Variants in AFF2 observed in about 807,000 individuals in gnomAD.
AFF2 encodes ALF transcription elongation factor 2.
A neutral mutation model predicts 76.9 loss-of-function variants in AFF2; 14 were observed. That is an observed-to-expected ratio of 0.18 (90% CI 0.12 to 0.28). The LOEUF is 0.28. Among genes scored for constraint, AFF2 ranks in the 10% least tolerant of loss-of-function variants. The pLI is 1.00. For synonymous variants in AFF2, 398 were observed against 366.7 expected, an observed-to-expected ratio of 1.09 and a Z score of -0.98; for missense variants, 868 against 1,001.1, an observed-to-expected ratio of 0.87 and a Z score of 1.79.
At chrX:148,971,789 A>G (rs1395150729) in intron 15 of AFF2, among the ~76,000 whole-genome samples, 31 of 23,917 alleles carry the variant, frequency 1.3e-3, no homozygotes, top group African/African-American at 5.9e-3. Flanking sequence ...TTTTTTTATT[A>G]TACTCTAAGT....
At chrX:148,697,503 C>T (rs1452507508) in intron 3 of AFF2, among the ~76,000 whole-genome samples, 1 of 111,310 alleles carries the variant, frequency 9.0e-6, no homozygotes, top group Non-Finnish European at 1.9e-5. Context: ...TGGGTCAGGC[C>T]ATTTACCAAT....
intron 1 of AFF2, among the ~76,000 whole-genome samples, chrX:148,597,544 A>AT: frequency 8.9e-6 from 1 of 112,263 alleles, no homozygotes; most frequent in Middle Eastern, 4.6e-3. Context: ...TCCCTTAATG[A>AT]TTTTTTCATG....
intron 1 of AFF2, among the ~76,000 whole-genome samples, chrX:148,568,410 C>T (rs2053192802): frequency 8.9e-6 from 1 of 111,783 alleles, no homozygotes; most frequent in Admixed American, 9.5e-5. Flanking sequence ...TGTTAGATTC[C>T]TGACAAGTGA....
chrX:148,796,973 G>A (rs1025394946), intron 3 of AFF2, among the ~76,000 whole-genome samples: 3 of 112,197 alleles, frequency 2.7e-5, no homozygotes, highest in African/African-American at 9.7e-5. Context: ...ATTGTAGTAT[G>A]TTTGGTATTA....
At chrX:148,594,586 A>G (rs1427908912) in intron 1 of AFF2, among the ~76,000 whole-genome samples, 5 of 111,791 alleles carry the variant, frequency 4.5e-5, no homozygotes, top group African/African-American at 6.5e-5. Flanking sequence ...CAGAAGCTGG[A>G]AAGCATTTGA....
chrX:148,520,342 C>T (rs1233761079), intron 1 of AFF2, among the ~76,000 whole-genome samples: 4 of 111,798 alleles, frequency 3.6e-5, no homozygotes, highest in African/African-American at 1.3e-4. Context: ...CCTTCATCAC[C>T]ACTCTCACTG....
intron 3 of AFF2, among the ~76,000 whole-genome samples, chrX:148,764,404 G>T (rs1307741752): frequency 8.9e-6 from 1 of 112,223 alleles, no homozygotes; most frequent in Non-Finnish European, 1.9e-5. Context: ...CAGTTTTGAT[G>T]AATTCTGGGT....
chrX:148,600,194 A>G (rs1189349151), intron 1 of AFF2, among the ~76,000 whole-genome samples: 8 of 112,116 alleles, frequency 7.1e-5, no homozygotes. Context: ...GAGACTTGGT[A>G]GTCTTGTGTG....
intron 13 of AFF2, among the ~76,000 whole-genome samples, chrX:148,964,159 G>A (rs1006538464): frequency 4.5e-5 from 5 of 112,316 alleles, no homozygotes; most frequent in African/African-American, 1.6e-4. Context: ...TGGGCTGTGG[G>A]GTGGAGGGAC....
chrX:148,723,698 A>G (rs1231057853), intron 3 of AFF2, among the ~76,000 whole-genome samples: 1 of 110,582 alleles, frequency 9.0e-6, no homozygotes, highest in Non-Finnish European at 1.9e-5. Context: ...GAAAGATGAA[A>G]TGCTGGAATG....
intron 6 of AFF2, 135 bp from the exon 7 acceptor site, chrX:148,843,247 C>CG: frequency 2.3e-6 from 1 of 436,318 alleles, no homozygotes; most frequent in Non-Finnish European, 3.6e-6. Context: ...GGTTCCCCCC[C>CG]TTTTTTTTTT....
chrX:148,740,889 T>C (rs1557265574), intron 3 of AFF2, among the ~76,000 whole-genome samples: 1 of 111,976 alleles, frequency 8.9e-6, no homozygotes, highest in Non-Finnish European at 1.9e-5. Flanking sequence ...TGGCTTCCTG[T>C]AAGCCAAACT....
At chrX:148,606,096 C>T (rs1006223898) in intron 1 of AFF2, among the ~76,000 whole-genome samples, 113 of 112,425 alleles carry the variant, frequency 1.0e-3, no homozygotes, top group African/African-American at 3.6e-3. Flanking sequence ...GTGATATTTG[C>T]CCAAAGGCAT....
intron 3 of AFF2, among the ~76,000 whole-genome samples, chrX:148,762,731 C>G (rs1557267423): frequency 9.0e-6 from 1 of 110,910 alleles, no homozygotes; most frequent in African/African-American, 3.3e-5. Flanking sequence ...CCCCTCTGTG[C>G]TCTGGCTGCT....
chrX:148,726,819 C>G (rs187381280), intron 3 of AFF2, among the ~76,000 whole-genome samples: 1 of 111,364 alleles, frequency 9.0e-6, no homozygotes, highest in South Asian at 3.8e-4. Context: ...AAAAACCTTG[C>G]AAGCCTGAAG....
At chrX:148,854,731 A>C (rs782469476) in intron 7 of AFF2, among the ~76,000 whole-genome samples, 2 of 111,641 alleles carry the variant, frequency 1.8e-5, no homozygotes, top group African/African-American at 3.3e-5. Flanking sequence ...CTTGGCTTTC[A>C]GGAACATGAG....
chrX:148,704,460 G>GTAGA (rs2054855124), intron 3 of AFF2, among the ~76,000 whole-genome samples: 1 of 14,867 alleles, frequency 6.7e-5, no homozygotes, highest in African/African-American at 2.4e-4. Flanking sequence ...TTATATATGT[G>GTAGA]TATATATTTA....
intron 3 of AFF2, among the ~76,000 whole-genome samples, chrX:148,800,354 T>A (rs1557270825): frequency 8.9e-6 from 1 of 112,041 alleles, no homozygotes; most frequent in African/African-American, 3.2e-5. Context: ...GTGTATTCTG[T>A]TGTCACTGTT....
intron 3 of AFF2, among the ~76,000 whole-genome samples, chrX:148,703,557 T>C (rs185665342): frequency 9.6e-4 from 108 of 112,191 alleles, no homozygotes; most frequent in African/African-American, 3.4e-3. Context: ...TTTAGAAGTT[T>C]AGTTTTTGTT....
Sources: gnomAD v4.1 joint callset for allele counts (sites outside exome capture counted in the v4.1 genomes callset) on GRCh38, gnomAD v4.1.1 for gene constraint, MANE v1.5 for transcripts, NCBI Gene and HGNC (gene_info 2026-07-23, HGNC 2026-07-21) for gene names.